Variants in PRRC2C observed in about 807,000 individuals in gnomAD.
The protein encoded by PRRC2C is proline rich coiled-coil 2C.
Under a neutral mutation model 317.2 loss-of-function variants are expected in PRRC2C, and 72 were observed. The ratio of observed to expected loss-of-function variants is 0.23; its 90% confidence interval spans 0.19 to 0.28. The LOEUF (loss-of-function observed/expected upper bound fraction) is 0.28, where lower values mean the gene tolerates loss of function less well. Among genes scored for constraint, PRRC2C ranks in the 10% least tolerant of loss-of-function variants. PRRC2C has a pLI of 1.00. For synonymous variants in PRRC2C, 1,296 were observed against 1,205.9 expected, an observed-to-expected ratio of 1.07 and a Z score of -1.55; for missense variants, 3,074 against 3,459.7, an observed-to-expected ratio of 0.89 and a Z score of 2.80.
intron 18 of PRRC2C, among the ~76,000 whole-genome samples, chr1:171,553,193 G>A (rs1160701272): frequency 6.6e-6 from 1 of 152,088 alleles, no homozygotes; most frequent in African/African-American, 2.4e-5. Flanking sequence ...GTCTTGGGAG[G>A]GTGTGTGTGT....
At chr1:171,500,172 G>A (rs778191603) in intron 1 of PRRC2C, among the ~76,000 whole-genome samples, 3 of 152,182 alleles carry the variant, frequency 2.0e-5, no homozygotes, top group African/African-American at 7.2e-5. Flanking sequence ...CAGAAAGAAA[G>A]TTATGTCATT....
chr1:171,544,607 A>G (rs1678693591), intron 16 of PRRC2C, among the ~76,000 whole-genome samples: 1 of 152,246 alleles, frequency 6.6e-6, no homozygotes, highest in Admixed American at 6.5e-5. Flanking sequence ...ATTTTAAGTA[A>G]CAATACTCAG....
chr1:171,569,593 T>TATATATATATATATATATATATATA (rs1558024214), intron 23 of PRRC2C, among the ~76,000 whole-genome samples: 1 of 130,640 alleles, frequency 7.7e-6, no homozygotes, highest in Non-Finnish European at 1.6e-5. Flanking sequence ...TATATATATA[T>TATATATATATATATATATATATATA]GGTTTTTTTT....
At chr1:171,570,048 T>C (rs1572065859) in intron 23 of PRRC2C, among the ~76,000 whole-genome samples, 1 of 152,228 alleles carries the variant, frequency 6.6e-6, no homozygotes, top group East Asian at 1.9e-4. Context: ...TGCATGCAGT[T>C]GTTAGCAGTG....
chr1:171,523,182 T>C, intron 7 of PRRC2C, 39 bp from the exon 8 acceptor site: 3 of 1,552,660 alleles, frequency 1.9e-6, no homozygotes, highest in Non-Finnish European at 2.6e-6. Flanking sequence ...TTTAGTATCA[T>C]AAACTTTTGT....
intron 4 of PRRC2C, 49 bp from the exon 5 acceptor site, chr1:171,515,685 A>G: frequency 2.8e-6 from 4 of 1,431,248 alleles, no homozygotes; most frequent in Non-Finnish European, 3.8e-6. Context: ...GGTTTGTATT[A>G]TCTTCAGTAT....
chr1:171,543,689 AC>A (rs1274887866), intron 16 of PRRC2C, among the ~76,000 whole-genome samples: 3 of 152,200 alleles, frequency 2.0e-5, no homozygotes, highest in African/African-American at 7.2e-5. Context: ...CATACTTAGC[AC>A]TTCAGATTAC....
rs1465843760 is a variant in PRRC2C at position 171,584,520 on chromosome 1, C to G, written c.7743C>G (p.Leu2581=). 4 of 1,578,742 alleles carry G rather than the reference C, an allele frequency of 2.5e-6. No homozygotes were observed. The highest frequency in any genetic ancestry group is 3.4e-6 in the Non-Finnish European group (4 of 1,162,828). ...ACACTGCCCAGTCACCAAGTGCTCT[C>G]CAGCAGGTAAACTATGGCATGGTAA... The part of the protein sequence containing the change: ...FYNTAQSPSA[L]QQVTVPLPAS... The change falls in exon 30 of 35, where the codon CTC becomes CTG. Residue 2581 remains leucine (L), a synonymous_variant. Transcript: ENST00000647382.
At chr1:171,550,536 T>C (rs1680002689) in intron 18 of PRRC2C, among the ~76,000 whole-genome samples, 1 of 151,730 alleles carries the variant, frequency 6.6e-6, no homozygotes, top group South Asian at 2.1e-4. Flanking sequence ...GTTACATATG[T>C]ATACATGTGC....
intron 17 of PRRC2C, among the ~76,000 whole-genome samples, chr1:171,549,841 C>T (rs1482734474): frequency 1.3e-5 from 2 of 152,144 alleles, no homozygotes; most frequent in South Asian, 2.1e-4. Context: ...GGATTACAGA[C>T]GTGAGCCACT....
At chr1:171,568,579 G>A (rs1222179705) in intron 23 of PRRC2C, among the ~76,000 whole-genome samples, 1 of 152,140 alleles carries the variant, frequency 6.6e-6, no homozygotes, top group East Asian at 1.9e-4. Context: ...GTGGTGCGTA[G>A]GCTTGGTTTC....
At chr1:171,516,801 C>G (rs946627250) in intron 5 of PRRC2C, among the ~76,000 whole-genome samples, 2 of 152,176 alleles carry the variant, frequency 1.3e-5, no homozygotes, top group Non-Finnish European at 1.5e-5. Flanking sequence ...TGGTGTAGCT[C>G]TTGGCTCTTT....
chr1:171,530,663 A>C (rs1046155911), intron 11 of PRRC2C, among the ~76,000 whole-genome samples: 1 of 152,196 alleles, frequency 6.6e-6, no homozygotes, highest in African/African-American at 2.4e-5. Context: ...TATGCACATG[A>C]AAAGATATTC....
At chr1:171,489,304 T>A (rs902051749) in intron 1 of PRRC2C, among the ~76,000 whole-genome samples, 1 of 152,240 alleles carries the variant, frequency 6.6e-6, no homozygotes, top group Admixed American at 6.5e-5. Flanking sequence ...TACATCTGAT[T>A]TTTAAAATTT....
chr1:171,503,955 G>C (rs973645980), intron 1 of PRRC2C, among the ~76,000 whole-genome samples: 7 of 152,066 alleles, frequency 4.6e-5, no homozygotes, highest in African/African-American at 1.7e-4. Flanking sequence ...AACAGCACAG[G>C]AAAAACCCGT....
intron 1 of PRRC2C, among the ~76,000 whole-genome samples, chr1:171,500,072 T>C (rs1021300168): frequency 6.6e-6 from 1 of 152,192 alleles, no homozygotes; most frequent in Non-Finnish European, 1.5e-5. Flanking sequence ...TGGGGGACAC[T>C]GTATTTTCCA....
intron 1 of PRRC2C, among the ~76,000 whole-genome samples, chr1:171,486,450 C>G (rs1339124002): frequency 6.6e-6 from 1 of 151,992 alleles, no homozygotes. Context: ...GGGTAAAGGC[C>G]CCGTTTTAGG....
rs762825176 is a variant in PRRC2C at position 171,540,265 on chromosome 1, T to C, written c.2799T>C (p.His933=). 1 of 1,613,820 alleles carries C rather than the reference T, an allele frequency of 6.2e-7. No individual in the cohort carries two copies. The highest frequency in any genetic ancestry group is 8.5e-7 in the Non-Finnish European group (1 of 1,179,884). Residue 933 remains histidine (H), a synonymous_variant, in exon 16 of 35, where the codon CAT becomes CAC. Coordinates refer to ENST00000647382, the MANE Select transcript of PRRC2C (RefSeq NM_001387844.1). ...RKRSVSHGSN[H]TQKPDEQRSE... ...GAAGTGTTTCCCATGGATCTAACCA[T>C]ACGCAAAAACCAGACGAGCAGAGAA...
At chr1:171,514,679 C>A (rs941447095) in intron 4 of PRRC2C, 34 bp downstream of exon 4, 1 of 1,514,644 alleles carries the variant, frequency 6.6e-7, no homozygotes, top group East Asian at 2.5e-5. Flanking sequence ...GCTGCCTAGG[C>A]TTGATAGTTA....
Sources: gnomAD v4.1 joint callset for allele counts (sites outside exome capture counted in the v4.1 genomes callset) on GRCh38, gnomAD v4.1.1 for gene constraint, MANE v1.5 for transcripts, NCBI Gene and HGNC (gene_info 2026-07-23, HGNC 2026-07-21) for gene names.